Variants in MEIOC observed in about 807,000 individuals in gnomAD.
The protein encoded by MEIOC is meiosis-specific coiled-coil domain-containing protein MEIOC.
MEIOC carries 9 observed loss-of-function variants against 85.3 expected under a neutral mutation model. That is an observed-to-expected ratio of 0.11 (90% CI 0.06 to 0.18). MEIOC has a LOEUF of 0.18. MEIOC is among the 10% of genes least tolerant of loss of function. The pLI, the probability that MEIOC is intolerant of heterozygous loss-of-function variation, is 1.00. For missense variants in MEIOC, 898 were observed against 1,129.4 expected (o/e 0.80, Z 2.94); for synonymous variants, 365 against 393.7 (o/e 0.93, Z 0.86).
intron 3 of MEIOC, chr17:44,665,166 G>C: frequency 9.3e-7 from 1 of 1,073,456 alleles, no homozygotes; most frequent in Non-Finnish European, 1.1e-6. Context: ...TTAGATATAG[G>C]ATTTGAAATG....
chr17:44,675,907 A>C (rs1250814889), downstream of MEIOC: 2 of 309,318 alleles, frequency 6.5e-6, no homozygotes, highest in African/African-American at 2.3e-5. Flanking sequence ...TTTAGATTTC[A>C]TTATTAACGC....
rs566414198 is a variant in MEIOC, at chr17:44,672,228, C to T, written c.2458-1138C>T. ...AACTCCTGATCTCAAATGATCCGCC[C>T]GCCTCGGCCTCCCCAAAGTGCTGGG... On this transcript the variant is annotated intron_variant, in intron 6 of 7. Transcript: ENST00000409122. Among the ~76,000 whole-genome samples, 9 of 152,216 alleles carry T rather than the reference C, an allele frequency of 5.9e-5. No individual in the cohort carries two copies. The South Asian group carries it at 6.2e-4, about 11-fold the overall frequency.
intron 2 of MEIOC, among the ~76,000 whole-genome samples, chr17:44,659,204 TA>T (rs1374452441): frequency 6.6e-6 from 1 of 152,202 alleles, no homozygotes; most frequent in Non-Finnish European, 1.5e-5. Flanking sequence ...TTATTTTATT[TA>T]ATCCACACTA....
At chr17:44,676,830 A>G (rs1972082709), downstream of MEIOC, 5 of 437,728 alleles carry the variant, frequency 1.1e-5, no homozygotes, top group South Asian at 4.8e-4. Context: ...AAAAACAAAC[A>G]AAAAAAATAT....
In MEIOC at chr17:44,658,397, C is replaced by T. The variant is rs533461418; in HGVS notation, c.204+1136C>T. ...GTCTCGATCTCCTGACCTCGTGATC[C>T]GCTCGCCTCAGCCTCCCAAAGTGCT... is the stretch of plus-strand genomic sequence containing the variant. On this transcript the variant is annotated intron_variant, in intron 2 of 7. Coordinates refer to ENST00000409122, the MANE Select transcript of MEIOC (RefSeq NM_001145080.3). Among the ~76,000 whole-genome samples the T allele has an allele frequency of 7.0e-4, 106 of 151,810 alleles. 2 individuals are homozygous for T. In the South Asian group the frequency reaches 0.02, roughly 28 times the overall value.
chr17:44,667,346 A>G lies in MEIOC; in HGVS notation c.1435A>G (p.Met479Val). The G allele has an allele frequency of 6.2e-7, 1 of 1,613,894 alleles. No individual in the cohort carries two copies. The highest frequency in any genetic ancestry group is 1.1e-5 in the South Asian group (1 of 91,084). Residue 479 changes from methionine (M) to valine (V), a missense_variant, in exon 5 of 8, where the codon ATG becomes GTG. Physicochemically the swap from Met to Val is conservative, Grantham distance 21. This residue lies in a region of MEIOC where 734 missense variants were observed against 860.1 expected (regional missense o/e 0.85). Coordinates refer to ENST00000409122, the MANE Select transcript of MEIOC (RefSeq NM_001145080.3). ...GGINLNRPTW[M>V]NVQTKNNTPI... The stretch of plus-strand genomic sequence containing the variant: ...TATCAATTTAAACAGACCAACTTGG[A>G]TGAATGTTCAAACAAAAAATAACAC...
In MEIOC at chr17:44,659,814, A is replaced by G. The variant is rs148859969; in HGVS notation, c.205-2503A>G. Reference sequence around the variant, plus strand: ...TGATAACTTTAGAACTCAAAGGATAAAATTAGGAAAGAAAGATAAAAAGCC... The same window carrying G: ...TGATAACTTTAGAACTCAAAGGATAGAATTAGGAAAGAAAGATAAAAAGCC... On this transcript the variant is annotated intron_variant, in intron 2 of 7. Coordinates refer to ENST00000409122, the MANE Select transcript of MEIOC (RefSeq NM_001145080.3). Among the ~76,000 whole-genome samples the G allele has an allele frequency of 1.3e-3, 197 of 152,346 alleles. 1 individual carries two copies. Among genetic ancestry groups the G allele is most frequent in the African/African-American group, 4.7e-3 (194 of 41,576 alleles).
chr17:44,675,980 T>C (rs954902966), downstream of MEIOC: 1 of 167,298 alleles, frequency 6.0e-6, no homozygotes, highest in Admixed American at 6.5e-5. Flanking sequence ...TAACCAGATC[T>C]CCTTCAAAGA....
At chr17:44,671,608 T>C (rs1157844080) in intron 6 of MEIOC, among the ~76,000 whole-genome samples, 1 of 150,170 alleles carries the variant, frequency 6.7e-6, no homozygotes, top group Non-Finnish European at 1.5e-5. Flanking sequence ...TAACAGAGGA[T>C]TTTAAAATTA....
intron 4 of MEIOC, among the ~76,000 whole-genome samples, chr17:44,665,902 G>C (rs1320761417): frequency 6.6e-6 from 1 of 152,078 alleles, no homozygotes; most frequent in East Asian, 1.9e-4. Context: ...AAGTGTGGAA[G>C]CTATATTACC....
chr17:44,669,719 G>C (rs910022668), intron 6 of MEIOC: 4 of 503,410 alleles, frequency 7.9e-6, no homozygotes, highest in Non-Finnish European at 1.1e-5. Flanking sequence ...AATTAGCTGG[G>C]GGTGGTGGCA....
At chr17:44,677,083 C>A, downstream of MEIOC, 1 of 390,030 alleles carries the variant, frequency 2.6e-6, no homozygotes, top group Non-Finnish European at 3.5e-6. Flanking sequence ...TGACAAAAAT[C>A]AAGGTGAGAA....
At position 44,667,224 on chromosome 17, in the gene MEIOC, T is replaced by TCAC; in HGVS notation, c.1314_1316dup (p.Thr439dup). ...TGTCCCGCTAATGATTTTGCTAACG[T>TCAC]CACAGAAAAGCAACAGTTTGCTAAA... On this transcript the variant is annotated inframe_insertion, in exon 5 of 8. Coordinates refer to ENST00000409122, the MANE Select transcript of MEIOC (RefSeq NM_001145080.3). 1 of 1,613,868 alleles carries TCAC rather than the reference T, an allele frequency of 6.2e-7. No homozygotes were observed. Among genetic ancestry groups the TCAC allele is most frequent in the Non-Finnish European group, 8.5e-7 (1 of 1,179,882 alleles).
chr17:44,671,558 A>G (rs1972010407), intron 6 of MEIOC, among the ~76,000 whole-genome samples: 1 of 150,342 alleles, frequency 6.7e-6, no homozygotes, highest in Non-Finnish European at 1.5e-5. Context: ...AAAAAAAAAA[A>G]AAAAATTCAT....
chr17:44,659,897 C>G (rs185723096), intron 2 of MEIOC, among the ~76,000 whole-genome samples: 62 of 152,286 alleles, frequency 4.1e-4, no homozygotes, highest in Non-Finnish European at 4.7e-4. Flanking sequence ...AGTTTTAGCT[C>G]TCAGCAAAAT....
intron 2 of MEIOC, among the ~76,000 whole-genome samples, chr17:44,659,854 T>C (rs955141086): frequency 6.6e-6 from 1 of 152,256 alleles, no homozygotes; most frequent in Non-Finnish European, 1.5e-5. Flanking sequence ...TAAAAGTTGC[T>C]GCTAACCAAC....
At chr17:44,671,861 G>C (rs1221431595) in intron 6 of MEIOC, among the ~76,000 whole-genome samples, 2 of 150,660 alleles carry the variant, frequency 1.3e-5, no homozygotes, top group Non-Finnish European at 2.9e-5. Context: ...AGCCGAGATC[G>C]CGCCACTGCA....
chr17:44,673,137 T>C, intron 6 of MEIOC: 1 of 407,262 alleles, frequency 2.5e-6, no homozygotes, highest in Non-Finnish European at 4.3e-6. Flanking sequence ...CATTGATGCT[T>C]ATTTTCAGTA....
chr17:44,666,491 G>A lies in MEIOC; in HGVS notation c.580G>A (p.Ala194Thr). 6.3e-7 allele frequency: 1 copy of A among 1,596,818 alleles called. No individual in the cohort carries two copies. Among genetic ancestry groups the A allele is most frequent in the South Asian group, 1.1e-5 (1 of 88,266 alleles). The change falls in exon 5 of 8, where the codon GCT becomes ACT. Residue 194 changes from alanine (A) to threonine (T), a missense_variant. Around this residue, in one of 2 missense-constraint regions of MEIOC, gnomAD observed 734 missense variants for 860.1 expected, o/e 0.85. Transcript: ENST00000409122. Reference protein sequence around the residue: ...RPIDTVISQQAFYSDESVSAM... With the variant: ...RPIDTVISQQTFYSDESVSAM... ...AATAGATACAGTCATCTCTCAGCAA[G>A]CTTTTTATAGTGATGAATCTGTGTC... is the stretch of plus-strand genomic sequence containing the variant.
Sources: allele counts gnomAD v4.1 joint callset (sites outside exome capture counted in the v4.1 genomes callset), GRCh38; gene constraint gnomAD v4.1.1; regional missense constraint gnomAD v4.1.1; transcripts MANE v1.5; gene names NCBI Gene and HGNC (gene_info 2026-07-23, HGNC 2026-07-21).